Variants in SYN3 observed in about 807,000 individuals in gnomAD.
SYN3 encodes synapsin-3.
A neutral mutation model predicts 65.8 loss-of-function variants in SYN3; 35 were observed. That is an observed-to-expected ratio of 0.53 (90% CI 0.41 to 0.70). The LOEUF (loss-of-function observed/expected upper bound fraction) is 0.70, where lower values mean the gene tolerates loss of function less well. SYN3 is among the 30% of genes least tolerant of loss of function. The pLI, the probability that SYN3 is intolerant of heterozygous loss-of-function variation, is 0.00. For missense variants in SYN3, 680 were observed against 749.0 expected (o/e 0.91, Z 1.08); for synonymous variants, 270 against 292.9 (o/e 0.92, Z 0.80).
At chr22:32,708,464 A>G (rs1435521418) in intron 6 of SYN3, among the ~76,000 whole-genome samples, 3 of 152,222 alleles carry the variant, frequency 2.0e-5, no homozygotes, top group Non-Finnish European at 4.4e-5. Context: ...GTTTAAAAAA[A>G]GGAAACTGAG....
intron 6 of SYN3, among the ~76,000 whole-genome samples, chr22:32,622,786 A>C (rs2059613760): frequency 6.7e-6 from 1 of 150,092 alleles, no homozygotes; most frequent in African/African-American, 2.5e-5. Flanking sequence ...TTGCAGGGAG[A>C]GGCTTCAAGC....
At chr22:32,659,353 C>A (rs1012645247) in intron 6 of SYN3, among the ~76,000 whole-genome samples, 19 of 152,098 alleles carry the variant, frequency 1.2e-4, no homozygotes, top group Non-Finnish European at 1.2e-4. Flanking sequence ...ACAGCCAGAT[C>A]CTTTATTGTT....
At chr22:32,714,373 G>T (rs187949353) in intron 6 of SYN3, among the ~76,000 whole-genome samples, 12 of 152,186 alleles carry the variant, frequency 7.9e-5, no homozygotes, top group Admixed American at 7.8e-4. Context: ...GGTCTCTAAG[G>T]ACCCTTTCAT....
intron 6 of SYN3, among the ~76,000 whole-genome samples, chr22:32,604,187 G>A (rs2059329719): frequency 6.6e-6 from 1 of 152,200 alleles, no homozygotes; most frequent in African/African-American, 2.4e-5. Context: ...TCAGAGTCTG[G>A]TCCTACGTAA....
intron 3 of SYN3, among the ~76,000 whole-genome samples, chr22:32,935,285 T>C (rs975040465): frequency 2.6e-4 from 38 of 144,704 alleles, no homozygotes; most frequent in Admixed American, 2.1e-4. Flanking sequence ...CTCTCTCTCT[T>C]TCTCTCTCTC....
intron 6 of SYN3, among the ~76,000 whole-genome samples, chr22:32,650,713 G>A (rs2060057526): frequency 1.3e-5 from 2 of 152,158 alleles, no homozygotes; most frequent in African/African-American, 2.4e-5. Context: ...CAGAGGCAGG[G>A]TTGGAACTCT....
chr22:32,887,233 C>T (rs540648354), intron 4 of SYN3, among the ~76,000 whole-genome samples: 7 of 152,158 alleles, frequency 4.6e-5, no homozygotes, highest in Admixed American at 4.6e-4. Flanking sequence ...ACAATATTAT[C>T]CGGGCATGGT....
Position 32,511,127 on chromosome 22 carries a change from C to T in SYN3, c.*2565G>A, listed in dbSNP as rs2057687089. 6.6e-6 allele frequency among the ~76,000 whole-genome samples: 1 copy of T among 152,084 alleles called. No individual in the cohort carries two copies. The highest frequency in any genetic ancestry group is 2.1e-4 in the South Asian group (1 of 4,814). On this transcript the variant is annotated 3_prime_UTR_variant, in exon 14 of 14. Transcript: ENST00000358763. The stretch of plus-strand genomic sequence containing the variant: ...GAATAACTTTAAAAGGTACCCACAT[C>T]TGATATTTTGAATTTCACCTCCCGT...
chr22:32,716,410 G>C (rs879681510), intron 6 of SYN3, among the ~76,000 whole-genome samples: 40 of 152,108 alleles, frequency 2.6e-4, no homozygotes, highest in African/African-American at 9.2e-4. Flanking sequence ...GCTCACCATG[G>C]AGCCTAAACT....
At chr22:32,777,721 C>T (rs913396771) in intron 6 of SYN3, among the ~76,000 whole-genome samples, 2 of 152,126 alleles carry the variant, frequency 1.3e-5, no homozygotes, top group African/African-American at 4.8e-5. Flanking sequence ...ATTAGCTTTT[C>T]TTGCTTATGA....
At chr22:33,028,939 C>T (rs1282506156) in intron 1 of SYN3, among the ~76,000 whole-genome samples, 1 of 151,878 alleles carries the variant, frequency 6.6e-6, no homozygotes, top group Non-Finnish European at 1.5e-5. Flanking sequence ...ACTCGGGAGG[C>T]TGAGGCAGGA....
intron 6 of SYN3, among the ~76,000 whole-genome samples, chr22:32,717,019 C>G (rs2061048529): frequency 6.6e-6 from 1 of 152,326 alleles, no homozygotes. Context: ...CCATTCACCT[C>G]TCCTATTATT....
At position 33,006,442 on chromosome 22, in the gene SYN3, G is replaced by T. The variant is rs777239028; in HGVS notation, c.221C>A (p.Thr74Asn). The T allele has an allele frequency of 1.2e-6, 2 of 1,614,186 alleles. No individual in the cohort carries two copies. Among genetic ancestry groups the T allele is most frequent in the Non-Finnish European group, 1.7e-6 (2 of 1,180,042 alleles). Reference protein sequence around the residue: ...SSAMKQAPQATSGLMEPPGPS... With the variant: ...SSAMKQAPQANSGLMEPPGPS... ...ACCTGGAGGCTCCATCAGTCCTGAG[G>T]TGGCCTGAGGGGCCTGCTTCATGGC... Residue 74 changes from threonine (T) to asparagine (N), a missense_variant, in exon 2 of 14, where the codon ACC becomes AAC. Physicochemically the swap from Thr to Asn is moderately conservative, Grantham distance 65. Coordinates refer to ENST00000358763, the MANE Select transcript of SYN3 (RefSeq NM_003490.4).
intron 6 of SYN3, among the ~76,000 whole-genome samples, chr22:32,818,945 C>A (rs534559088): frequency 6.6e-6 from 1 of 152,194 alleles, no homozygotes; most frequent in Admixed American, 6.5e-5. Flanking sequence ...AGCTACTCCT[C>A]GCCCCCTCCT....
In SYN3 at chr22:32,816,906, C is replaced by T. The variant is rs746000850; in HGVS notation, c.711+48009G>A. ...AATCAGTGTTTCTCAAGGTGTGATC[C>T]TTGCACCACCAATCTTAAGAAATGT... On this transcript the variant is annotated intron_variant, in intron 6 of 13. Transcript: ENST00000358763. 2.0e-5 allele frequency among the ~76,000 whole-genome samples: 3 copies of T among 152,218 alleles called. No homozygotes were observed. In the South Asian group the frequency reaches 6.2e-4, roughly 32 times the overall value.
chr22:32,823,839 A>G (rs1601457899), intron 6 of SYN3, among the ~76,000 whole-genome samples: 1 of 151,688 alleles, frequency 6.6e-6, no homozygotes, highest in Non-Finnish European at 1.5e-5. Context: ...CCCCATGTCC[A>G]CTCCTATAAG....
intron 6 of SYN3, among the ~76,000 whole-genome samples, chr22:32,767,359 G>C (rs1002317388): frequency 1.3e-5 from 2 of 150,382 alleles, no homozygotes; most frequent in African/African-American, 4.9e-5. Flanking sequence ...TCCTAGGATT[G>C]CTCCTTCAAA....
At chr22:32,878,003 A>T (rs551714179) in intron 4 of SYN3, among the ~76,000 whole-genome samples, 20 of 152,344 alleles carry the variant, frequency 1.3e-4, no homozygotes, top group Non-Finnish European at 1.3e-4. Context: ...GGTAGATACG[A>T]TAATAATAGC....
chr22:32,574,053 C>T (rs1257062127), intron 7 of SYN3, among the ~76,000 whole-genome samples: 3 of 151,674 alleles, frequency 2.0e-5, no homozygotes, highest in African/African-American at 7.3e-5. Context: ...GCTGGGATTA[C>T]AGGCATGAGC....
Sources: gnomAD v4.1 joint callset for allele counts (sites outside exome capture counted in the v4.1 genomes callset) on GRCh38, gnomAD v4.1.1 for gene constraint, MANE v1.5 for transcripts, NCBI Gene and HGNC (gene_info 2026-07-23, HGNC 2026-07-21) for gene names.